Variants in PDCD1LG2 observed in about 807,000 individuals in gnomAD.
PDCD1LG2 encodes B7 dendritic cell molecule.
In PDCD1LG2, 32 loss-of-function variants were observed where a neutral mutation model predicts 28.2. The ratio of observed to expected loss-of-function variants is 1.13; its 90% CI spans 0.86 to 1.52. The LOEUF is 1.52. Ranked by LOEUF, PDCD1LG2 falls within the 40% of genes most tolerant of loss-of-function variation. The pLI, the probability that PDCD1LG2 is intolerant of heterozygous loss-of-function variation, is 0.00. For missense variants in PDCD1LG2, 385 were observed against 323.8 expected, an observed-to-expected ratio of 1.19 and a Z score of -1.45; for synonymous variants, 116 against 120.2, an observed-to-expected ratio of 0.97 and a Z score of 0.23.
At chr9:5,553,515 G>A (rs1816378638) in intron 4 of PDCD1LG2, among the ~76,000 whole-genome samples, 1 of 152,186 alleles carries the variant, frequency 6.6e-6, no homozygotes, top group African/African-American at 2.4e-5. Flanking sequence ...ACAGGGGCCT[G>A]TATGAGATGA....
At chr9:5,558,333 A>G (rs1816488662) in intron 5 of PDCD1LG2, among the ~76,000 whole-genome samples, 1 of 152,030 alleles carries the variant, frequency 6.6e-6, no homozygotes, top group African/African-American at 2.4e-5. Context: ...TTACCAACAC[A>G]CTCCTGTTCT....
chr9:5,563,298 A>C, intron 6 of PDCD1LG2, 87 bp downstream of exon 6: 1 of 1,151,338 alleles, frequency 8.7e-7, no homozygotes, highest in Non-Finnish European at 1.3e-6. Flanking sequence ...CTATTAATTC[A>C]TGGAAGGCAA....
At chr9:5,547,674 T>C (rs941982294) in intron 3 of PDCD1LG2, among the ~76,000 whole-genome samples, 1 of 152,176 alleles carries the variant, frequency 6.6e-6, no homozygotes, top group African/African-American at 2.4e-5. Context: ...CAGTGGCTCA[T>C]GCCTGTAATC....
chr9:5,511,622 G>A (rs927630050), intron 1 of PDCD1LG2, among the ~76,000 whole-genome samples: 1 of 152,232 alleles, frequency 6.6e-6, no homozygotes, highest in African/African-American at 2.4e-5. Context: ...GCAGTAATGA[G>A]ACAGTTGTAT....
At chr9:5,553,031 C>A (rs2129898136) in intron 4 of PDCD1LG2, among the ~76,000 whole-genome samples, 1 of 152,162 alleles carries the variant, frequency 6.6e-6, no homozygotes. Flanking sequence ...CACTTGAGCC[C>A]AGTAGATTGA....
chr9:5,514,613 C>T (rs1563818703), intron 1 of PDCD1LG2, among the ~76,000 whole-genome samples: 1 of 151,932 alleles, frequency 6.6e-6, no homozygotes, highest in Non-Finnish European at 1.5e-5. Context: ...AGGTAGCCCA[C>T]AACTATAGTC....
At chr9:5,543,411 C>T (rs899841798) in intron 3 of PDCD1LG2, among the ~76,000 whole-genome samples, 6 of 152,012 alleles carry the variant, frequency 3.9e-5, no homozygotes, top group Non-Finnish European at 7.4e-5. Flanking sequence ...TGGTGGCAGG[C>T]ACCTGCAGTC....
intron 1 of PDCD1LG2, among the ~76,000 whole-genome samples, chr9:5,518,153 T>G (rs1820202621): frequency 6.6e-6 from 1 of 152,214 alleles, no homozygotes; most frequent in Non-Finnish European, 1.5e-5. Context: ...CTTTTCAAAA[T>G]TTGTCCAAGG....
chr9:5,555,334 T>C (rs1028618686), intron 4 of PDCD1LG2, among the ~76,000 whole-genome samples: 2 of 152,092 alleles, frequency 1.3e-5, no homozygotes, highest in Non-Finnish European at 2.9e-5. Context: ...GGAGAATCAC[T>C]TGAACCCAGG....
At chr9:5,563,283 C>T in intron 6 of PDCD1LG2, 72 bp downstream of exon 6, 1 of 1,287,958 alleles carries the variant, frequency 7.8e-7, no homozygotes. Flanking sequence ...AAAGTAACCA[C>T]TGTTCTATTA....
chr9:5,511,867 C>T (rs1023823448), intron 1 of PDCD1LG2, among the ~76,000 whole-genome samples: 1 of 152,202 alleles, frequency 6.6e-6, no homozygotes, highest in Non-Finnish European at 1.5e-5. Context: ...GAGCTCCTCA[C>T]AGGCAAGAAG....
chr9:5,549,465 C>G lies in PDCD1LG2; in HGVS notation c.492C>G (p.Thr164=), dbSNP rs2129876022. Residue 164 remains threonine (T), a synonymous_variant, in exon 4 of 7, where the codon ACC becomes ACG. Coordinates refer to ENST00000397747, the MANE Select transcript of PDCD1LG2 (RefSeq NM_025239.4). ...SWPNVSVPAN[T]SHSRTPEGLY... ...CAAACGTCAGCGTTCCTGCCAACAC[C>G]AGCCACTCCAGGACCCCTGAAGGCC... The G allele has an allele frequency of 6.2e-7, 1 of 1,614,192 alleles. No homozygotes were observed. The highest frequency in any genetic ancestry group is 2.2e-5 in the East Asian group (1 of 44,888).
chr9:5,570,263 A>G lies in PDCD1LG2; in HGVS notation c.*304A>G. ...TTCCTTCAGGATCCTTCTTGCTGCC[A>G]GACTGAAAGCAAAAGGAATTATTTC... On this transcript the variant is annotated 3_prime_UTR_variant, in exon 7 of 7. Transcript: ENST00000397747. 1 of 346,338 alleles carries G rather than the reference A, an allele frequency of 2.9e-6. No individual in the cohort carries two copies. Among genetic ancestry groups the G allele is most frequent in the Non-Finnish European group, 5.2e-6 (1 of 191,136 alleles). 21.5% of individuals were successfully genotyped at this position (346,338 alleles called of 1,614,324 possible).
chr9:5,570,843 T>G lies in PDCD1LG2; in HGVS notation c.*884T>G, dbSNP rs900353055. On this transcript the variant is annotated 3_prime_UTR_variant, in exon 7 of 7. Transcript: ENST00000397747. ...CTGGCCCTCAATATGACTTTAAATT[T>G]GACTTTTCAGTGCCTCAGTTTGCAC... The G allele has an allele frequency of 1.7e-5, 4 of 232,784 alleles. No individual in the cohort carries two copies. The highest frequency in any genetic ancestry group is 3.4e-5 in the Non-Finnish European group (4 of 117,826). 14.4% of individuals were successfully genotyped at this position (232,784 alleles called of 1,614,324 possible).
chr9:5,535,488 A>T (rs752807015), intron 3 of PDCD1LG2, among the ~76,000 whole-genome samples: 3 of 152,228 alleles, frequency 2.0e-5, no homozygotes, highest in African/African-American at 7.2e-5. Context: ...AGTAGCAACC[A>T]GATGCACGTT....
chr9:5,548,429 T>C (rs950666742), intron 3 of PDCD1LG2, among the ~76,000 whole-genome samples: 127 of 152,226 alleles, frequency 8.3e-4, no homozygotes, highest in Non-Finnish European at 1.0e-3. Context: ...GTTCCACATC[T>C]TGGTTATTGT....
chr9:5,548,957 G>A (rs1240652779), intron 3 of PDCD1LG2, among the ~76,000 whole-genome samples: 4 of 152,136 alleles, frequency 2.6e-5, no homozygotes, highest in Non-Finnish European at 2.9e-5. Flanking sequence ...TTATAGCACT[G>A]TAAGAAAGAA....
rs1816726376 is a variant in PDCD1LG2 at position 5,569,337 on chromosome 9, G to C, written c.817-617G>C. Reference sequence around the variant, plus strand: ...ACTATTCCTAGGTCTGAAGGAGAAAGGGGAGGGAGCAGTTCCCAGAACCCT... The same window carrying C: ...ACTATTCCTAGGTCTGAAGGAGAAACGGGAGGGAGCAGTTCCCAGAACCCT... On this transcript the variant is annotated intron_variant, in intron 6 of 6. Coordinates refer to ENST00000397747, the MANE Select transcript of PDCD1LG2 (RefSeq NM_025239.4). The surrounding 1 kb of genome is among the most constrained non-coding windows in gnomAD (Gnocchi z 4.1). Among the ~76,000 whole-genome samples the C allele has an allele frequency of 6.6e-6, 1 of 152,196 alleles. No homozygotes were observed. The highest frequency in any genetic ancestry group is 2.4e-5 in the African/African-American group (1 of 41,454).
At chr9:5,561,582 T>C (rs1031954967) in intron 5 of PDCD1LG2, among the ~76,000 whole-genome samples, 2 of 152,202 alleles carry the variant, frequency 1.3e-5, no homozygotes, top group Non-Finnish European at 1.5e-5. Context: ...TCCAAAATAA[T>C]TGAGTGACTT....
Sources: allele counts gnomAD v4.1 joint callset (sites outside exome capture counted in the v4.1 genomes callset), GRCh38; gene constraint gnomAD v4.1.1; non-coding constraint Gnocchi (gnomAD v3.1); transcripts MANE v1.5; gene names NCBI Gene and HGNC (gene_info 2026-07-23, HGNC 2026-07-21).